RABGAP1L: variants seen among roughly 807,000 people sequenced by gnomAD.
RABGAP1L encodes RAB GTPase activating protein 1 like, also known as rab GTPase-activating protein 1-like.
Under a neutral mutation model 137.7 loss-of-function variants are expected in RABGAP1L, and 63 were observed. The observed-to-expected ratio is 0.46, with a 90% CI of 0.37 to 0.56. The LOEUF is 0.56. Among genes scored for constraint, RABGAP1L ranks in the 20% least tolerant of loss-of-function variants. RABGAP1L has a pLI of 0.00. For missense variants in RABGAP1L, 1,095 were observed against 1,244.0 expected (o/e 0.88, Z 1.80); for synonymous variants, 431 against 433.7 (o/e 0.99, Z 0.08).
intron 7 of RABGAP1L, among the ~76,000 whole-genome samples, chr1:174,259,796 C>G (rs1673424519): frequency 6.6e-6 from 1 of 151,386 alleles, no homozygotes; most frequent in Non-Finnish European, 1.5e-5. Flanking sequence ...CATTGAACAA[C>G]TTTTCTTAAC....
intron 17 of RABGAP1L, among the ~76,000 whole-genome samples, chr1:174,709,848 C>T (rs1020271211): frequency 6.6e-6 from 1 of 152,180 alleles, no homozygotes; most frequent in Non-Finnish European, 1.5e-5. Flanking sequence ...CATAAGTAGG[C>T]TTCAGAAGAT....
In RABGAP1L at chr1:174,403,189, G is replaced by C. The variant is rs919961879; in HGVS notation, c.1710+9044G>C. On this transcript the variant is annotated intron_variant, in intron 13 of 25. Coordinates refer to ENST00000681986, the MANE Select transcript of RABGAP1L (RefSeq NM_001366446.1). Reference sequence around the variant, plus strand: ...CAAATGAATCTTTTCTTTCGAAAGTGTATGTGGTTATATATGAGAGTGTGT... The same window carrying C: ...CAAATGAATCTTTTCTTTCGAAAGTCTATGTGGTTATATATGAGAGTGTGT... 2.7e-5 allele frequency among the ~76,000 whole-genome samples: 4 copies of C among 150,194 alleles called. No homozygotes were observed. The South Asian group carries it at 8.5e-4, about 32-fold the overall frequency.
At chr1:174,298,638 TA>T (rs1332621790) in intron 10 of RABGAP1L, among the ~76,000 whole-genome samples, 4 of 152,192 alleles carry the variant, frequency 2.6e-5, no homozygotes, top group African/African-American at 9.6e-5. Context: ...AGCCAAATGC[TA>T]AGGTGAAACT....
chr1:174,940,982 G>T (rs547161185), intron 19 of RABGAP1L, among the ~76,000 whole-genome samples: 15 of 152,230 alleles, frequency 9.9e-5, no homozygotes, highest in Admixed American at 8.5e-4. Context: ...TATTCCTTCC[G>T]GCCTGCTCTG....
intron 19 of RABGAP1L, among the ~76,000 whole-genome samples, chr1:174,944,847 T>C (rs1169382153): frequency 6.6e-6 from 1 of 152,194 alleles, no homozygotes. Context: ...ACTCAGGTTG[T>C]CTTATACATT....
At chr1:174,614,056 C>T (rs1310831683) in intron 13 of RABGAP1L, among the ~76,000 whole-genome samples, 1 of 152,156 alleles carries the variant, frequency 6.6e-6, no homozygotes, top group East Asian at 1.9e-4. Flanking sequence ...ATTCCATTTA[C>T]ATGTAAAGTT....
At chr1:174,307,247 A>G (rs1678367800) in intron 11 of RABGAP1L, among the ~76,000 whole-genome samples, 1 of 152,214 alleles carries the variant, frequency 6.6e-6, no homozygotes, top group East Asian at 1.9e-4. Flanking sequence ...TATTCGGTCA[A>G]GTTAGTCAGT....
At chr1:174,408,410 G>A (rs1203749664) in intron 13 of RABGAP1L, among the ~76,000 whole-genome samples, 3 of 152,070 alleles carry the variant, frequency 2.0e-5, no homozygotes, top group Non-Finnish European at 4.4e-5. Context: ...TCTTTTCTGT[G>A]GCTGCATAGT....
At chr1:174,470,118 C>T (rs945091465) in intron 13 of RABGAP1L, among the ~76,000 whole-genome samples, 3 of 152,172 alleles carry the variant, frequency 2.0e-5, no homozygotes, top group South Asian at 2.1e-4. Flanking sequence ...CACAGGGCTA[C>T]TACTGCATTT....
At chr1:174,713,952 T>C (rs1344819057) in intron 17 of RABGAP1L, among the ~76,000 whole-genome samples, 3 of 152,188 alleles carry the variant, frequency 2.0e-5, no homozygotes, top group Non-Finnish European at 4.4e-5. Context: ...GTAAAACACA[T>C]AACCGATTAC....
intron 13 of RABGAP1L, among the ~76,000 whole-genome samples, chr1:174,401,515 A>C (rs1284009255): frequency 2.0e-5 from 3 of 152,194 alleles, no homozygotes; most frequent in Non-Finnish European, 4.4e-5. Flanking sequence ...ACTATAGGAA[A>C]TATGGAGATT....
intron 19 of RABGAP1L, among the ~76,000 whole-genome samples, chr1:174,946,125 T>C (rs1193605158): frequency 6.6e-6 from 1 of 152,088 alleles, no homozygotes; most frequent in African/African-American, 2.4e-5. Flanking sequence ...ACGTTATGCC[T>C]GGTAATGTGG....
intron 18 of RABGAP1L, among the ~76,000 whole-genome samples, chr1:174,781,064 T>C (rs1156975835): frequency 6.6e-6 from 1 of 152,204 alleles, no homozygotes; most frequent in Non-Finnish European, 1.5e-5. Context: ...GCATGATTTA[T>C]ATTCCTTTGG....
intron 8 of RABGAP1L, among the ~76,000 whole-genome samples, chr1:174,275,550 T>G (rs920497252): frequency 2.0e-5 from 3 of 152,168 alleles, no homozygotes; most frequent in African/African-American, 4.8e-5. Flanking sequence ...AATACAACTT[T>G]GTAACAATAT....
intron 19 of RABGAP1L, among the ~76,000 whole-genome samples, chr1:174,886,758 T>A (rs1245989253): frequency 6.6e-6 from 1 of 152,112 alleles, no homozygotes; most frequent in Non-Finnish European, 1.5e-5. Context: ...TTGATAGAGA[T>A]TTTCATAACT....
At position 174,448,457 on chromosome 1, in the gene RABGAP1L, G is replaced by A. The variant is rs1655042782; in HGVS notation, c.1710+54312G>A. On this transcript the variant is annotated intron_variant, in intron 13 of 25. Transcript: ENST00000681986. This position sits in a 1 kb window ranked among gnomAD's most constrained non-coding sequence, Gnocchi z 4.2. ...TGTCCACGAGTCATTGACTTGCCAG[G>A]TTTTTGGATATATCATCTCAGTTCT... 6.2e-7 allele frequency: 1 copy of A among 1,613,846 alleles called. No individual in the cohort carries two copies. Among genetic ancestry groups the A allele is most frequent in the Non-Finnish European group, 8.5e-7 (1 of 1,179,802 alleles).
rs543459511 is a variant in RABGAP1L at position 174,919,754 on chromosome 1, G to T, written c.2341-37703G>T. Among the ~76,000 whole-genome samples, 6 of 152,192 alleles carry T rather than the reference G, an allele frequency of 3.9e-5. 1 individual carries two copies. In the South Asian group the frequency reaches 1.2e-3, roughly 32 times the overall value. ...GCCTGTAGTCCCAGCTACTTGGGAG[G>T]TTGAGGCAGGAGGATCACTTGAGCC... On this transcript the variant is annotated intron_variant, in intron 19 of 25. Transcript: ENST00000681986.
At chr1:174,383,063 T>G (rs201308494) in intron 12 of RABGAP1L, among the ~76,000 whole-genome samples, 11,070 of 151,102 alleles carry the variant, frequency 0.073, 643 homozygotes, top group East Asian at 0.32. Context: ...GAGGTGTCAG[T>G]GTGCCCCTGC....
intron 17 of RABGAP1L, among the ~76,000 whole-genome samples, chr1:174,743,184 A>G (rs1034567276): frequency 6.6e-6 from 1 of 152,198 alleles, no homozygotes; most frequent in Non-Finnish European, 1.5e-5. Flanking sequence ...AGGGACTTAT[A>G]TAGCAGGGAA....
Sources: gnomAD v4.1 joint callset for allele counts (sites outside exome capture counted in the v4.1 genomes callset) on GRCh38, gnomAD v4.1.1 for gene constraint, Gnocchi (gnomAD v3.1) non-coding constraint, MANE v1.5 for transcripts, NCBI Gene and HGNC (gene_info 2026-07-23, HGNC 2026-07-21) for gene names.